The following SEPTIN9 variants were observed in gnomAD, a reference collection of about 807,000 sequenced individuals.
The protein encoded by SEPTIN9 is septin 9.
In SEPTIN9, 13 loss-of-function variants were observed where a neutral mutation model predicts 56.6. That is an observed-to-expected ratio of 0.23 (90% CI 0.15 to 0.37). The LOEUF (loss-of-function observed/expected upper bound fraction) is 0.37. SEPTIN9 is among the 10% of genes least tolerant of loss of function. The pLI is 1.00. For missense variants in SEPTIN9, 650 were observed against 823.1 expected (o/e 0.79, Z 2.57); for synonymous variants, 332 against 334.1 (o/e 0.99, Z 0.07).
chr17:77,326,400 G>C lies in SEPTIN9; in HGVS notation c.76+19203G>C, dbSNP rs1444540840. Among the ~76,000 whole-genome samples, 2 of 152,228 alleles carry C rather than the reference G, an allele frequency of 1.3e-5. No individual in the cohort carries two copies. Among genetic ancestry groups the C allele is most frequent in the African/African-American group, 4.8e-5 (2 of 41,472 alleles). ...AGTGGCAGGACAGAACCTGCGGTTC[G>C]TAGGACCAGGTCAGGAGGGCTGCCT... is the stretch of plus-strand genomic sequence containing the variant. On this transcript the variant is annotated intron_variant, in intron 2 of 11. Coordinates refer to ENST00000427177, the MANE Select transcript of SEPTIN9 (RefSeq NM_001113491.2). The surrounding 1 kb of genome is among the most constrained non-coding windows in gnomAD (Gnocchi z 5.1).
intron 2 of SEPTIN9, among the ~76,000 whole-genome samples, chr17:77,388,878 G>A (rs1021433614): frequency 7.2e-6 from 1 of 138,830 alleles, no homozygotes; most frequent in Non-Finnish European, 1.5e-5. Context: ...TGGACAATGA[G>A]ACGAGGAGGG....
chr17:77,416,197 C>T (rs545604223), intron 3 of SEPTIN9, among the ~76,000 whole-genome samples: 51 of 152,260 alleles, frequency 3.3e-4, no homozygotes, highest in African/African-American at 9.6e-4. Flanking sequence ...TGCACCTGGA[C>T]GAAGGCCTCA....
intron 3 of SEPTIN9, among the ~76,000 whole-genome samples, chr17:77,430,085 T>C (rs918495595): frequency 1.3e-5 from 2 of 151,978 alleles, no homozygotes; most frequent in African/African-American, 4.8e-5. Context: ...CAGCCTCACT[T>C]TGTGGCCAGA....
At chr17:77,287,901 C>T (rs2031349632) in intron 1 of SEPTIN9, 1 of 1,038,444 alleles carries the variant, frequency 9.6e-7, no homozygotes, top group African/African-American at 1.7e-5. Flanking sequence ...ACTGGGCGGC[C>T]CTTAGACCCA....
chr17:77,482,117 C>CT, intron 3 of SEPTIN9, 27 bp from the exon 4 acceptor site: 1 of 1,542,398 alleles, frequency 6.5e-7, no homozygotes. Flanking sequence ...CTGTTCCGCT[C>CT]TAACTCCTCT....
rs766969712 is a variant in SEPTIN9 at position 77,355,981 on chromosome 17, CA to C, written c.77-46062del. 1.8e-3 allele frequency among the ~76,000 whole-genome samples: 163 copies of C among 92,368 alleles called. 2 individuals are homozygous for C. The East Asian group carries it at 0.018, about 10-fold the overall frequency. 60.6% of individuals were successfully genotyped at this position (92,368 alleles called of 152,430 possible). ...TGGGCGACAGAGCGAGACTCCGTCT[CA>C]AAAAAAAAAAAAAAATGAAGTGCTC... is the stretch of plus-strand genomic sequence containing the variant. On this transcript the variant is annotated intron_variant, in intron 2 of 11. Transcript: ENST00000427177.
intron 1 of SEPTIN9, among the ~76,000 whole-genome samples, chr17:77,301,371 C>T (rs1477173823): frequency 2.0e-5 from 3 of 147,534 alleles, no homozygotes; most frequent in Non-Finnish European, 3.0e-5. Flanking sequence ...TCAGGAGTTT[C>T]AAGAAAAAAA....
chr17:77,360,637 T>C (rs1397701724), intron 2 of SEPTIN9, among the ~76,000 whole-genome samples: 1 of 151,912 alleles, frequency 6.6e-6, no homozygotes, highest in Non-Finnish European at 1.5e-5. Context: ...CGATCTCCGC[T>C]CACTGCAAGC....
chr17:77,439,460 G>A (rs544279648), intron 3 of SEPTIN9, among the ~76,000 whole-genome samples: 4 of 152,278 alleles, frequency 2.6e-5, no homozygotes, highest in South Asian at 4.1e-4. Flanking sequence ...CCCCCGTGGC[G>A]TCCTGCAGGC....
rs575413241 is a variant in SEPTIN9, at chr17:77,305,295, C to G, written c.20-1846C>G. On this transcript the variant is annotated intron_variant, in intron 1 of 11. Transcript: ENST00000427177. ...AGCTGTGCGACCTTGGGCAGTTTGC[C>G]CAGCCCTGGGCCTCGCTTCCTCCTC... is the stretch of plus-strand genomic sequence containing the variant. Among the ~76,000 whole-genome samples the G allele has an allele frequency of 2.0e-5, 3 of 152,252 alleles. 1 individual carries two copies. Among genetic ancestry groups the G allele is most frequent in the African/African-American group, 7.2e-5 (3 of 41,532 alleles).
chr17:77,445,442 A>G lies in SEPTIN9; in HGVS notation c.722-36702A>G, dbSNP rs778729376. 27 of 469,900 alleles carry G rather than the reference A, an allele frequency of 5.7e-5. 1 individual carries two copies. Among genetic ancestry groups the G allele is most frequent in the South Asian group, 3.9e-4 (25 of 64,504 alleles). 29.1% of individuals were successfully genotyped at this position (469,900 alleles called of 1,614,324 possible). On this transcript the variant is annotated intron_variant, in intron 3 of 11. Transcript: ENST00000427177. This position sits in a 1 kb window ranked among gnomAD's most constrained non-coding sequence, Gnocchi z 4.7. ...AGGAAGGCTGAGCTCTGTGCTCACA[A>G]CCTGGCTTGGTGGTGGCCGAGGAGC...
At chr17:77,417,068 C>T (rs1267154006) in intron 3 of SEPTIN9, among the ~76,000 whole-genome samples, 4 of 152,244 alleles carry the variant, frequency 2.6e-5, no homozygotes, top group African/African-American at 9.6e-5. Flanking sequence ...TTTGGCCCTA[C>T]CCCTCCTAAC....
rs1360795757 is a variant in SEPTIN9, at chr17:77,405,019, T to G, written c.721+2316T>G. ...GATACACCCCCATCCTGGGTTGATGTGTTCACACTCAGCTGAGTCAAACAG... is the reference window on the plus strand; with the variant it reads ...GATACACCCCCATCCTGGGTTGATGGGTTCACACTCAGCTGAGTCAAACAG... On this transcript the variant is annotated intron_variant, in intron 3 of 11. Coordinates refer to ENST00000427177, the MANE Select transcript of SEPTIN9 (RefSeq NM_001113491.2). The surrounding 1 kb of genome is among the most constrained non-coding windows in gnomAD (Gnocchi z 5.8). The G allele has an allele frequency of 6.8e-7, 1 of 1,461,150 alleles. No homozygotes were observed. Among genetic ancestry groups the G allele is most frequent in the East Asian group, 2.5e-5 (1 of 40,406 alleles). 90.5% of individuals were successfully genotyped at this position (1,461,150 alleles called of 1,614,324 possible). A position where few individuals can be genotyped will look rare whatever the true frequency, so the allele number is the denominator to read the frequency against.
chr17:77,436,552 C>T lies in SEPTIN9; in HGVS notation c.721+33849C>T, dbSNP rs909860547. ...CCTCCCACTTCCTTTGCCATGGGCCCCCTCCTCCACGCAGACCCTCAGCCT... is the reference window on the plus strand; with the variant it reads ...CCTCCCACTTCCTTTGCCATGGGCCTCCTCCTCCACGCAGACCCTCAGCCT... On this transcript the variant is annotated intron_variant, in intron 3 of 11. Transcript: ENST00000427177. This position sits in a 1 kb window ranked among gnomAD's most constrained non-coding sequence, Gnocchi z 4.4. Among the ~76,000 whole-genome samples, 5 of 152,234 alleles carry T rather than the reference C, an allele frequency of 3.3e-5. No individual in the cohort carries two copies. Among genetic ancestry groups the T allele is most frequent in the African/African-American group, 4.8e-5 (2 of 41,460 alleles).
rs1295426668 is a variant in SEPTIN9 at position 77,429,414 on chromosome 17, C to T, written c.721+26711C>T. The T allele has an allele frequency of 1.2e-5, 5 of 401,944 alleles. No individual in the cohort carries two copies. Among genetic ancestry groups the T allele is most frequent in the African/African-American group, 6.2e-5 (3 of 48,194 alleles). 24.9% of individuals were successfully genotyped at this position (401,944 alleles called of 1,614,324 possible). A position where few individuals can be genotyped will look rare whatever the true frequency, so the allele number is the denominator to read the frequency against. On this transcript the variant is annotated intron_variant, in intron 3 of 11. Transcript: ENST00000427177. This position sits in a 1 kb window ranked among gnomAD's most constrained non-coding sequence, Gnocchi z 5.2. ...CCGTCCGCCTGGGCTACAGCGTGCT[C>T]GCCGATTGCATTTGGGGAGGGACTG... is the stretch of plus-strand genomic sequence containing the variant.
intron 2 of SEPTIN9, among the ~76,000 whole-genome samples, chr17:77,372,101 A>C (rs750391639): frequency 1.4e-4 from 21 of 152,108 alleles, no homozygotes; most frequent in Admixed American, 2.6e-4. Context: ...ACCGGAGTGC[A>C]GTTGTAGCGT....
At chr17:77,411,631 AC>A (rs2036305278) in intron 3 of SEPTIN9, among the ~76,000 whole-genome samples, 1 of 150,176 alleles carries the variant, frequency 6.7e-6, no homozygotes, top group South Asian at 2.1e-4. Flanking sequence ...TGAACTCCTG[AC>A]CTTGAGATCC....
At chr17:77,308,760 C>A (rs534009644) in intron 2 of SEPTIN9, among the ~76,000 whole-genome samples, 30 of 152,318 alleles carry the variant, frequency 2.0e-4, no homozygotes, top group Admixed American at 1.7e-3. Flanking sequence ...GTCTGCCTTC[C>A]AGAGGTGGAT....
At chr17:77,308,117 C>G (rs925462731) in intron 2 of SEPTIN9, among the ~76,000 whole-genome samples, 1 of 152,172 alleles carries the variant, frequency 6.6e-6, no homozygotes, top group Non-Finnish European at 1.5e-5. Flanking sequence ...CCCTAGGAGA[C>G]GAGGAGCTCT....
Sources: gnomAD v4.1 joint callset for allele counts (sites outside exome capture counted in the v4.1 genomes callset) on GRCh38, gnomAD v4.1.1 for gene constraint, Gnocchi (gnomAD v3.1) non-coding constraint, MANE v1.5 for transcripts, NCBI Gene and HGNC (gene_info 2026-07-23, HGNC 2026-07-21) for gene names.